The following VMA21 variants were observed in gnomAD, a reference collection of about 807,000 sequenced individuals.
VMA21 encodes vacuolar ATPase assembly factor VMA21.
For synonymous variants in VMA21, 47 were observed against 34.1 expected, an observed-to-expected ratio of 1.38 and a Z score of -1.32; for missense variants, 61 against 80.6, an observed-to-expected ratio of 0.76 and a Z score of 0.93.
rs1464416591 is a variant in VMA21, at chrX:151,408,312, C to T, written c.*3254C>T. ...CAATTTTATGTATACAGTTAGAATA[C>T]CCAAGGAGACCACTAAAATCAGTTA... On this transcript the variant is annotated 3_prime_UTR_variant, in exon 3 of 3. Coordinates refer to ENST00000330374, the MANE Select transcript of VMA21 (RefSeq NM_001017980.4). 12 of 111,751 alleles carry T rather than the reference C, an allele frequency of 1.1e-4. No individual in the cohort carries two copies. The East Asian group carries it at 2.8e-3, about 26-fold the overall frequency. The allele number at this position is 111,751 out of a possible 1,213,427, so 9.2% of individuals were successfully genotyped here.
chrX:151,404,898 T>G lies in VMA21; in HGVS notation c.164-18T>G, dbSNP rs1391963956. On this transcript the variant is annotated intron_variant, in intron 2 of 2. Coordinates refer to ENST00000330374, the MANE Select transcript of VMA21 (RefSeq NM_001017980.4). ...AAATTTTGCAATAAAATGGAAACTG[T>G]TTTTTTTCTCTTGATAGGCGCCCTT... 14 of 1,203,995 alleles carry G rather than the reference T, an allele frequency of 1.2e-5. No homozygotes were observed. The highest frequency in any genetic ancestry group is 3.0e-5 in the East Asian group (1 of 33,665).
At chrX:151,401,429 G>T (rs2011236155) in intron 1 of VMA21, among the ~76,000 whole-genome samples, 1 of 112,141 alleles carries the variant, frequency 8.9e-6, no homozygotes, top group African/African-American at 3.2e-5. Flanking sequence ...TACTATAACT[G>T]TAATATTTTA....
chrX:151,400,256 C>T (rs975702144), intron 1 of VMA21, among the ~76,000 whole-genome samples: 8 of 106,301 alleles, frequency 7.5e-5, no homozygotes, highest in Admixed American at 5.1e-4. Context: ...TGTAGTTGAC[C>T]GTTGACCTTT....
rs1378292106 is a variant in VMA21 at position 151,408,663 on chromosome X, A to G, written c.*3605A>G. Reference sequence around the variant, plus strand: ...TGAAGCAGCACATTAGTAACCTGACAAGATTTCTTTTTCCCTTTTCAGGGG... The same window carrying G: ...TGAAGCAGCACATTAGTAACCTGACGAGATTTCTTTTTCCCTTTTCAGGGG... On this transcript the variant is annotated 3_prime_UTR_variant, in exon 3 of 3. Transcript: ENST00000330374. 1.8e-5 allele frequency: 2 copies of G among 112,619 alleles called. No individual in the cohort carries two copies. The highest frequency in any genetic ancestry group is 3.8e-5 in the Non-Finnish European group (2 of 53,322). The allele number at this position is 112,619 out of a possible 1,213,427, so 9.3% of individuals were successfully genotyped here.
rs2124129143 is a variant in VMA21, at chrX:151,407,385, A to C, written c.*2327A>C. The C allele has an allele frequency of 8.8e-6, 1 of 113,124 alleles. No homozygotes were observed. Among genetic ancestry groups the C allele is most frequent in the Admixed American group, 9.4e-5 (1 of 10,682 alleles). The allele number at this position is 113,124 out of a possible 1,213,427, so 9.3% of individuals were successfully genotyped here. A position where few individuals can be genotyped will look rare whatever the true frequency, so the allele number is the denominator to read the frequency against. On this transcript the variant is annotated 3_prime_UTR_variant, in exon 3 of 3. Coordinates refer to ENST00000330374, the MANE Select transcript of VMA21 (RefSeq NM_001017980.4). ...AACTCACTAGTTTGCTGCTGTTTTT[A>C]ACTATGTTAAATAACATATGGTATT...
In VMA21 at chrX:151,406,953, G is replaced by A. The variant is rs2011299433; in HGVS notation, c.*1895G>A. 8.9e-6 allele frequency: 1 copy of A among 112,525 alleles called. No homozygotes were observed. The highest frequency in any genetic ancestry group is 1.9e-5 in the Non-Finnish European group (1 of 53,357). 9.3% of individuals were successfully genotyped at this position (112,525 alleles called of 1,213,427 possible). ...GAACTGTTTTTAATTCTTGCTTAAA[G>A]ACTACAATTTTAGTATAATGACATT... On this transcript the variant is annotated 3_prime_UTR_variant, in exon 3 of 3. Transcript: ENST00000330374.
chrX:151,406,167 TC>T lies in VMA21; in HGVS notation c.*1110del, dbSNP rs2011289861. 9.0e-6 allele frequency: 1 copy of T among 111,352 alleles called. No homozygotes were observed. Among genetic ancestry groups the T allele is most frequent in the Non-Finnish European group, 1.9e-5 (1 of 53,127 alleles). 9.2% of individuals were successfully genotyped at this position (111,352 alleles called of 1,213,427 possible). ...ATACATATTCAAACAGGAAAAAAAA[TC>T]AAAATTCCCCATAATGTTGCCATCT... On this transcript the variant is annotated 3_prime_UTR_variant, in exon 3 of 3. Coordinates refer to ENST00000330374, the MANE Select transcript of VMA21 (RefSeq NM_001017980.4).
intron 2 of VMA21, among the ~76,000 whole-genome samples, chrX:151,404,471 T>C (rs1227417932): frequency 8.9e-6 from 1 of 112,479 alleles, no homozygotes; most frequent in Non-Finnish European, 1.9e-5. Flanking sequence ...CAGGCTGGAG[T>C]GCAGTGGTGC....
rs758063325 is a variant in VMA21, at chrX:151,402,331, GC to G, written c.54-1298del. On this transcript the variant is annotated intron_variant, in intron 1 of 2. Transcript: ENST00000330374. ...CAAGTAGCTGGGACTATAGGCACACGCCACCACTCTCAGCTAATTTTTGTAT... is the reference window on the plus strand; with the variant it reads ...CAAGTAGCTGGGACTATAGGCACACGCACCACTCTCAGCTAATTTTTGTAT... 6.3e-5 allele frequency among the ~76,000 whole-genome samples: 7 copies of G among 111,565 alleles called. No individual in the cohort carries two copies. The South Asian group carries it at 1.9e-3, about 30-fold the overall frequency.
intron 1 of VMA21, among the ~76,000 whole-genome samples, chrX:151,399,679 G>T (rs1298852933): frequency 2.7e-5 from 3 of 111,510 alleles, no homozygotes; most frequent in African/African-American, 9.8e-5. Context: ...CAGTTTAAGG[G>T]AGCTTATGTA....
chrX:151,401,164 C>G (rs1291495904), intron 1 of VMA21, among the ~76,000 whole-genome samples: 2 of 111,593 alleles, frequency 1.8e-5, no homozygotes, highest in Non-Finnish European at 3.8e-5. Flanking sequence ...AACTTTATAT[C>G]TTTATGTTTT....
At chrX:151,401,656 T>C (rs2011237890) in intron 1 of VMA21, among the ~76,000 whole-genome samples, 1 of 112,394 alleles carries the variant, frequency 8.9e-6, no homozygotes, top group Admixed American at 9.4e-5. Context: ...CAGGATATCT[T>C]TACATTTATT....
chrX:151,398,020 A>T (rs981971583), intron 1 of VMA21, among the ~76,000 whole-genome samples: 8 of 110,571 alleles, frequency 7.2e-5, no homozygotes, highest in Non-Finnish European at 1.5e-4. Flanking sequence ...AAGAGGATGC[A>T]GTTGAGGGTA....
intron 1 of VMA21, among the ~76,000 whole-genome samples, chrX:151,401,750 A>G (rs1485677186): frequency 2.7e-5 from 3 of 111,103 alleles, no homozygotes; most frequent in African/African-American, 9.8e-5. Flanking sequence ...TTTATTCCTA[A>G]GTTTCTTTTT....
chrX:151,396,873 G>T (rs1442564121), upstream of VMA21: 4 of 524,168 alleles, frequency 7.6e-6, no homozygotes, highest in Admixed American at 7.9e-5. Context: ...CCAGCTCAGC[G>T]ACCGAGACGC....
At chrX:151,403,102 C>A (rs1003761813) in intron 1 of VMA21, among the ~76,000 whole-genome samples, 1 of 111,496 alleles carries the variant, frequency 9.0e-6, no homozygotes, top group Non-Finnish European at 1.9e-5. Context: ...CTCGTTAGTT[C>A]CCTGGTCCAC....
At chrX:151,397,029 G>C (rs1207735315), upstream of VMA21, 2 of 503,738 alleles carry the variant, frequency 4.0e-6, no homozygotes, top group African/African-American at 4.7e-5. Context: ...GCCCCTCCTG[G>C]CAGGGCGCAC....
chrX:151,397,117 C>G (rs1215186165), upstream of VMA21: 183 of 329,332 alleles, frequency 5.6e-4, 1 homozygote, highest in Admixed American at 3.3e-3. Flanking sequence ...TGCGGCGCGC[C>G]GCGCCGCGCC....
rs373448097 is a variant in VMA21 at position 151,403,754 on chromosome X, C to T, written c.163+14C>T. The T allele has an allele frequency of 1.1e-4, 126 of 1,126,498 alleles. 1 individual carries two copies. The African/African-American group carries it at 2.0e-3, about 18-fold the overall frequency. The allele number at this position is 1,126,498 out of a possible 1,213,427, so 92.8% of individuals were successfully genotyped here. On this transcript the variant is annotated intron_variant, in intron 2 of 2. Transcript: ENST00000330374. ...ACATATTTGAAGGTAATCTTAGACCCATTAAAACAAGATGTTTTCCCCCAA... is the reference window on the plus strand; with the variant it reads ...ACATATTTGAAGGTAATCTTAGACCTATTAAAACAAGATGTTTTCCCCCAA...
Sources: allele counts gnomAD v4.1 joint callset (sites outside exome capture counted in the v4.1 genomes callset), GRCh38; gene constraint gnomAD v4.1.1; transcripts MANE v1.5; gene names NCBI Gene and HGNC (gene_info 2026-07-23, HGNC 2026-07-21).